MUC4: variants seen among roughly 807,000 people sequenced by gnomAD.
MUC4 encodes the protein mucin 4, cell surface associated.
In MUC4, 202 loss-of-function variants were observed where a neutral mutation model predicts 257.9. The observed-to-expected ratio is 0.78, with a 90% CI of 0.70 to 0.88. The LOEUF (loss-of-function observed/expected upper bound fraction) is 0.88, where lower values mean the gene tolerates loss of function less well. Among genes scored for constraint, MUC4 ranks in the 40% least tolerant of loss-of-function variants. MUC4 has a pLI of 0.00. For synonymous variants in MUC4, 2,351 were observed against 2,757.1 expected (o/e 0.85, Z 4.62); for missense variants, 5,976 against 6,513.7 (o/e 0.92, Z 2.84).
chr3:195,748,093 C>A (rs556406623), intron 24 of MUC4, among the ~76,000 whole-genome samples: 1 of 152,256 alleles, frequency 6.6e-6, no homozygotes, highest in Non-Finnish European at 1.5e-5. Context: ...GAGCCCAGGT[C>A]TGCGTGGGGC....
Position 195,764,291 on chromosome 3 carries a change from TGTTGGTGGAGAGCTTGGCAGGGCAGGGC to T in MUC4, c.13925-155_13925-128del, listed in dbSNP as rs1719929041. On this transcript the variant is annotated intron_variant, in intron 10 of 24. Transcript: ENST00000463781. Reference sequence around the variant, plus strand: ...TGGAGAGCTTGGCAGGGCAGGGCGGTGTTGGTGGAGAGCTTGGCAGGGCAGGGCGGTGTTGGTGGAGAGCTTGGTAGGG... The same window carrying T: ...TGGAGAGCTTGGCAGGGCAGGGCGGTGGTGTTGGTGGAGAGCTTGGTAGGG... 8.2e-6 allele frequency: 9 copies of T among 1,099,858 alleles called. No individual in the cohort carries two copies. The Admixed American group carries it at 9.4e-5, about 11-fold the overall frequency. 68.1% of individuals were successfully genotyped at this position (1,099,858 alleles called of 1,614,324 possible). A position where few individuals can be genotyped will look rare whatever the true frequency, so the allele number is the denominator to read the frequency against.
intron 1 of MUC4, among the ~76,000 whole-genome samples, chr3:195,797,384 A>G (rs1165276337): frequency 6.6e-6 from 1 of 152,190 alleles, no homozygotes; most frequent in African/African-American, 2.4e-5. Context: ...TATAAACAGA[A>G]CGGAGGGGAG....
In MUC4 at chr3:195,788,923, G is replaced by C. The variant is rs779220807; in HGVS notation, c.2657C>G (p.Thr886Arg). 94 of 1,613,566 alleles carry C rather than the reference G, an allele frequency of 5.8e-5. No homozygotes were observed. The highest frequency in any genetic ancestry group is 1.2e-4 in the Admixed American group (7 of 59,912). The change falls in exon 2 of 25, where the codon ACA (threonine) becomes AGA (arginine). Residue 886 changes from threonine to arginine, a missense_variant. This residue lies in a region of MUC4 where 1,583 missense variants were observed against 1,257.4 expected (regional missense o/e 1.26). Transcript: ENST00000463781. ...LSEASTAGRPTGQSSPTSPSA... is the reference protein window; with the variant it reads ...LSEASTAGRPRGQSSPTSPSA... ...GGGAGAAGTTGGGCTTGACTGTCCTGTCGGTCTCCCTGCAGTGGAGGCCTC... is the reference window on the plus strand; with the variant it reads ...GGGAGAAGTTGGGCTTGACTGTCCTCTCGGTCTCCCTGCAGTGGAGGCCTC...
At chr3:195,751,168 A>C (rs1188945576) in intron 22 of MUC4, 39 bp downstream of exon 22, 1 of 1,527,944 alleles carries the variant, frequency 6.5e-7, no homozygotes, top group East Asian at 2.4e-5. Context: ...GGGGATGAGG[A>C]AGAGATCTGG....
rs534700230 is a variant in MUC4, at chr3:195,781,990, T to A, written c.9590A>T (p.His3197Leu). The A allele has an allele frequency of 3.3e-6, 5 of 1,499,014 alleles. No homozygotes were observed. The African/African-American group carries it at 8.4e-5, about 25-fold the overall frequency. 92.9% of individuals were successfully genotyped at this position (1,499,014 alleles called of 1,614,324 possible). A position where few individuals can be genotyped will look rare whatever the true frequency, so the allele number is the denominator to read the frequency against. ...GTCGGTGACAAGAAGAGGAGTGGCG[T>A]GACCTGTGGATGCTGAGGAAGGGCT... ...VTSPSSASTG[H>L]ATPLLVTDAS... The change falls in exon 2 of 25, where the codon CAC (histidine) becomes CTC (leucine). Residue 3197 changes from histidine (H) to leucine (L), a missense_variant. Transcript: ENST00000463781.
At position 195,767,660 on chromosome 3, in the gene MUC4, CCACCAT is replaced by C. The variant is rs1426232027; in HGVS notation, c.13530-915_13530-910del. Reference sequence around the variant, plus strand: ...ACCACCATCGCCACCACCACCACCACCACCATCACCATCACCACCATCACTGGCCAC... The same window carrying C: ...ACCACCATCGCCACCACCACCACCACCACCATCACCACCATCACTGGCCAC... On this transcript the variant is annotated intron_variant, in intron 7 of 24. Transcript: ENST00000463781. Among the ~76,000 whole-genome samples the C allele has an allele frequency of 1.1e-3, 80 of 69,682 alleles. 2 individuals are homozygous for C. Among genetic ancestry groups the C allele is most frequent in the African/African-American group, 5.8e-3 (50 of 8,554 alleles). The allele number at this position is 69,682 out of a possible 152,430, so 45.7% of individuals were successfully genotyped here.
At chr3:195,767,550 C>T (rs1721069872) in intron 7 of MUC4, among the ~76,000 whole-genome samples, 1 of 116,828 alleles carries the variant, frequency 8.6e-6, no homozygotes. Context: ...TCATCACCAT[C>T]ACCATTACCA....
rs1453188824 is a variant in MUC4 at position 195,781,116 on chromosome 3, A to T, written c.10464T>A (p.Pro3488=). The T allele has an allele frequency of 2.0e-6, 3 of 1,479,074 alleles. No individual in the cohort carries two copies. The East Asian group carries it at 7.7e-5, about 38-fold the overall frequency. The allele number at this position is 1,479,074 out of a possible 1,614,324, so 91.6% of individuals were successfully genotyped here. A position where few individuals can be genotyped will look rare whatever the true frequency, so the allele number is the denominator to read the frequency against. The part of the protein sequence containing the change: ...PSSASTGHTT[P]LHVTIPSSAS... ...CTGAGGAAGGGATGGTGACATGAAG[A>T]GGGGTGGTGTGACCTGTAGATGCTG... The change falls in exon 2 of 25, where the codon CCT becomes CCA. Residue 3488 remains proline, a synonymous_variant. Coordinates refer to ENST00000463781, the MANE Select transcript of MUC4 (RefSeq NM_018406.7).
Position 195,780,145 on chromosome 3 carries a change from G to C in MUC4, c.11435C>G (p.Thr3812Ser), listed in dbSNP as rs1408865505. 6.7e-7 allele frequency: 1 copy of C among 1,492,478 alleles called. No homozygotes were observed. The highest frequency in any genetic ancestry group is 9.1e-7 in the Non-Finnish European group (1 of 1,103,692). The allele number at this position is 1,492,478 out of a possible 1,614,324, so 92.5% of individuals were successfully genotyped here. A position where few individuals can be genotyped will look rare whatever the true frequency, so the allele number is the denominator to read the frequency against. The change falls in exon 2 of 25, where the codon ACC becomes AGC. Residue 3812 changes from threonine (T) to serine (S), a missense_variant. Thr to Ser is a moderately conservative substitution (Grantham distance 58). This residue lies in a region of MUC4 where 330 missense variants were observed against 262.0 expected (regional missense o/e 1.26). Transcript: ENST00000463781. ...STGQATPLPV[T>S]SLSSVSTGDT... ...ACCTGTGGATACTGAGGAAAGGCTG[G>C]TGACAGGAAGAGGGGTGGCCTGACC...
intron 3 of MUC4, among the ~76,000 whole-genome samples, chr3:195,775,292 T>A (rs1724134506): frequency 6.7e-6 from 1 of 149,046 alleles, no homozygotes; most frequent in African/African-American, 2.5e-5. Context: ...TTTGCTACCC[T>A]TCTTCTCATT....
intron 1 of MUC4, among the ~76,000 whole-genome samples, chr3:195,804,608 C>A (rs993456696): frequency 6.6e-6 from 1 of 152,230 alleles, no homozygotes; most frequent in African/African-American, 2.4e-5. Flanking sequence ...TTTCACTTTC[C>A]TGGAGGGGAA....
chr3:195,783,899 G>T lies in MUC4; in HGVS notation c.7681C>A (p.Leu2561Ile), dbSNP rs568512201. The change falls in exon 2 of 25, where the codon CTT becomes ATT. Residue 2561 changes from leucine (L) to isoleucine (I), a missense_variant. Physicochemically the swap from Leu to Ile is conservative, Grantham distance 5 (BLOSUM62 2). This residue lies in a region of MUC4 where 135 missense variants were observed against 114.7 expected (regional missense o/e 1.18). Coordinates refer to ENST00000463781, the MANE Select transcript of MUC4 (RefSeq NM_018406.7). Reference sequence around the variant, plus strand: ...GCTGCGGAAGTGTCGGTGACAGGAAGAGAGGTGGCGTGACCTGTGGATGCT... The same window carrying T: ...GCTGCGGAAGTGTCGGTGACAGGAATAGAGGTGGCGTGACCTGTGGATGCT... Reference protein sequence around the residue: ...SSASTGHATSLPVTDTSAAST... With the variant: ...SSASTGHATSIPVTDTSAAST... 1.3e-6 allele frequency: 2 copies of T among 1,509,464 alleles called. No individual in the cohort carries two copies. The highest frequency in any genetic ancestry group is 2.5e-5 in the East Asian group (1 of 39,340). The allele number at this position is 1,509,464 out of a possible 1,614,324, so 93.5% of individuals were successfully genotyped here.
intron 21 of MUC4, chr3:195,751,604 G>A (rs949007036): frequency 2.7e-5 from 12 of 451,452 alleles, no homozygotes; most frequent in African/African-American, 2.4e-4. Flanking sequence ...ATTGAACATG[G>A]GTTGTTTAGA....
intron 4 of MUC4, among the ~76,000 whole-genome samples, chr3:195,772,882 C>G (rs1160216888): frequency 3.7e-5 from 4 of 108,726 alleles, no homozygotes; most frequent in Admixed American, 9.6e-5. Flanking sequence ...GTGCTCAGGG[C>G]TATAGACACC....
chr3:195,798,750 A>C (rs1177043794), intron 1 of MUC4, among the ~76,000 whole-genome samples: 1 of 152,220 alleles, frequency 6.6e-6, no homozygotes, highest in African/African-American at 2.4e-5. Context: ...AGTTTAACTT[A>C]TTCAGTATAC....
At chr3:195,803,019 C>A (rs1391485697) in intron 1 of MUC4, among the ~76,000 whole-genome samples, 1 of 152,124 alleles carries the variant, frequency 6.6e-6, no homozygotes, top group Non-Finnish European at 1.5e-5. Flanking sequence ...TTCTTGTCAT[C>A]TGTATACACT....
rs1027488551 is a variant in MUC4 at position 195,791,395 on chromosome 3, G to C, written c.185C>G (p.Ser62Cys). 10 of 1,613,988 alleles carry C rather than the reference G, an allele frequency of 6.2e-6. No homozygotes were observed. The highest frequency in any genetic ancestry group is 6.8e-6 in the Non-Finnish European group (8 of 1,179,900). ...ATLEGQSTAA[S>C]SRTSNQDISA... ...TATGTCCTGATTAGAGGTCCTTGAAGAAGCTGCAGTTGATTGTCCCTCTAG... is the reference window on the plus strand; with the variant it reads ...TATGTCCTGATTAGAGGTCCTTGAACAAGCTGCAGTTGATTGTCCCTCTAG... Residue 62 changes from serine (S) to cysteine (C), a missense_variant, in exon 2 of 25, where the codon TCT becomes TGT. Ser to Cys is a moderately radical substitution (Grantham distance 112). Transcript: ENST00000463781.
Position 195,765,418 on chromosome 3 carries a change from G to A in MUC4, c.13650C>T (p.His4550=). Reference sequence around the variant, plus strand: ...GACGGTAGTTGGGCCTTTCTTCCCGGTGTAGCCTGTAGAACTGCAGCCCTT... The same window carrying A: ...GACGGTAGTTGGGCCTTTCTTCCCGATGTAGCCTGTAGAACTGCAGCCCTT... ...GLQGLQFYRL[H]REERPNYRLE... is the part of the protein sequence containing the mutation. Residue 4550 remains histidine, a synonymous_variant, in exon 9 of 25, where the codon CAC becomes CAT. Transcript: ENST00000463781. 2 of 1,613,486 alleles carry A rather than the reference G, an allele frequency of 1.2e-6. No individual in the cohort carries two copies. The highest frequency in any genetic ancestry group is 8.5e-7 in the Non-Finnish European group (1 of 1,179,986).
rs1729499914 is a variant in MUC4 at position 195,783,523 on chromosome 3, G to A, written c.8057C>T (p.Ala2686Val). 7.0e-6 allele frequency: 4 copies of A among 568,282 alleles called. 1 individual carries two copies. Among genetic ancestry groups the A allele is most frequent in the East Asian group, 7.1e-5 (2 of 28,262 alleles). The allele number at this position is 568,282 out of a possible 1,614,324, so 35.2% of individuals were successfully genotyped here. Residue 2686 changes from alanine to valine, a missense_variant, in exon 2 of 25, where the codon GCC (alanine) becomes GTC (valine). This residue lies in a region of MUC4 where 75 missense variants were observed against 58.7 expected (regional missense o/e 1.28). Coordinates refer to ENST00000463781, the MANE Select transcript of MUC4 (RefSeq NM_018406.7). ...AGTGTCGGTGACAGGAAGAGAGGTG[G>A]CATGACCGGTGGATGCTGAGGAAGG... ...TSPSSASTGH[A>V]TSLPVTDTSS...
Sources: allele counts gnomAD v4.1 joint callset (sites outside exome capture counted in the v4.1 genomes callset), GRCh38; gene constraint gnomAD v4.1.1; regional missense constraint gnomAD v4.1.1; transcripts MANE v1.5; gene names NCBI Gene and HGNC (gene_info 2026-07-23, HGNC 2026-07-21).